Variants in GRIK2 observed in about 807,000 individuals in gnomAD.
The protein encoded by GRIK2 is glutamate receptor ionotropic, kainate 2.
Under a neutral mutation model 100.3 loss-of-function variants are expected in GRIK2, and 32 were observed. The ratio of observed to expected loss-of-function variants is 0.32; its 90% CI spans 0.24 to 0.43. GRIK2 has a LOEUF of 0.43. Among genes scored for constraint, GRIK2 ranks in the 20% least tolerant of loss-of-function variants. The probability of loss-of-function intolerance (pLI) is 1.00; values close to 1 mark genes in which losing one functional copy is unlikely to be tolerated. For synonymous variants in GRIK2, 417 were observed against 389.4 expected, an observed-to-expected ratio of 1.07 and a Z score of -0.83; for missense variants, 843 against 1,114.9, an observed-to-expected ratio of 0.76 and a Z score of 3.47.
rs1300320347 is a variant in GRIK2 at position 102,068,638 on chromosome 6, G to C, written c.*127G>C. On this transcript the variant is annotated 3_prime_UTR_variant, in exon 17 of 17. Coordinates refer to ENST00000369134, the MANE Select transcript of GRIK2 (RefSeq NM_021956.5). ...AGTTACCTCATGCCGCTGTGTCTAT[G>C]AACTAGAGACTCTGTGATCTAAGCA... The C allele has an allele frequency of 1.4e-6, 1 of 730,170 alleles. No individual in the cohort carries two copies. The highest frequency in any genetic ancestry group is 1.8e-5 in the African/African-American group (1 of 56,012). The allele number at this position is 730,170 out of a possible 1,614,324, so 45.2% of individuals were successfully genotyped here.
chr6:101,851,531 A>G (rs1404582685), intron 10 of GRIK2, among the ~76,000 whole-genome samples: 2 of 152,058 alleles, frequency 1.3e-5, no homozygotes, highest in East Asian at 3.9e-4. Flanking sequence ...GCATTTTTAG[A>G]TAGTCATATG....
At chr6:101,808,994 A>C (rs2128417622) in intron 9 of GRIK2, among the ~76,000 whole-genome samples, 1 of 151,578 alleles carries the variant, frequency 6.6e-6, no homozygotes, top group African/African-American at 2.4e-5. Context: ...AAATATAAAA[A>C]TAATTTGTAA....
chr6:101,502,697 C>T (rs758204291), intron 2 of GRIK2, among the ~76,000 whole-genome samples: 2 of 152,066 alleles, frequency 1.3e-5, no homozygotes, highest in Non-Finnish European at 2.9e-5. Flanking sequence ...GGATATCTAG[C>T]TGTCAGGTAT....
chr6:101,644,596 G>A (rs1402980684), intron 4 of GRIK2, among the ~76,000 whole-genome samples: 2 of 151,710 alleles, frequency 1.3e-5, no homozygotes, highest in Admixed American at 1.3e-4. Flanking sequence ...GCATAAATAG[G>A]TTCCAAAGAA....
chr6:101,696,700 G>A (rs1772511987), intron 7 of GRIK2, among the ~76,000 whole-genome samples: 2 of 151,660 alleles, frequency 1.3e-5, no homozygotes, highest in African/African-American at 4.8e-5. Context: ...AGACATCATG[G>A]GGCAGTTATC....
intron 2 of GRIK2, among the ~76,000 whole-genome samples, chr6:101,460,738 G>A (rs1582500886): frequency 2.0e-5 from 3 of 152,102 alleles, no homozygotes; most frequent in South Asian, 4.1e-4. Context: ...TCTCTGGAAG[G>A]ACACCTGCAA....
At chr6:101,533,163 GT>G (rs1190741284) in intron 2 of GRIK2, among the ~76,000 whole-genome samples, 1 of 151,890 alleles carries the variant, frequency 6.6e-6, no homozygotes, top group East Asian at 1.9e-4. Flanking sequence ...GTTTATAGAG[GT>G]TTTTAAATAC....
chr6:101,632,584 T>C (rs1212814350), intron 4 of GRIK2, among the ~76,000 whole-genome samples: 1 of 152,180 alleles, frequency 6.6e-6, no homozygotes, highest in Non-Finnish European at 1.5e-5. Context: ...AAAAATTTTA[T>C]AAGAAAGCTC....
chr6:101,499,398 T>C (rs995398285), intron 2 of GRIK2, among the ~76,000 whole-genome samples: 2 of 152,134 alleles, frequency 1.3e-5, no homozygotes, highest in African/African-American at 4.8e-5. Context: ...GTACATTTTA[T>C]AGCTGTCATA....
chr6:101,567,655 A>C (rs1777341810), intron 2 of GRIK2, among the ~76,000 whole-genome samples: 1 of 151,940 alleles, frequency 6.6e-6, no homozygotes, highest in African/African-American at 2.4e-5. Flanking sequence ...TTGGTGTTTG[A>C]GTTGCCTACC....
chr6:101,494,968 C>CATTTATATATATATAT (rs1773348883), intron 2 of GRIK2, among the ~76,000 whole-genome samples: 1 of 48,372 alleles, frequency 2.1e-5, no homozygotes, highest in African/African-American at 9.2e-5. Flanking sequence ...CCTATATATG[C>CATTTATATATATATAT]ATTTATATAT....
chr6:101,877,433 G>T (rs1035926715), intron 11 of GRIK2, among the ~76,000 whole-genome samples: 1 of 151,788 alleles, frequency 6.6e-6, no homozygotes, highest in Admixed American at 6.6e-5. Flanking sequence ...ATCTAGAGAT[G>T]ATTTAAAGTA....
intron 2 of GRIK2, among the ~76,000 whole-genome samples, chr6:101,455,187 A>G (rs1762484523): frequency 6.6e-6 from 1 of 152,056 alleles, no homozygotes; most frequent in Admixed American, 6.6e-5. Flanking sequence ...TTTCTGGCTA[A>G]GTGGACTAAT....
At chr6:101,629,266 G>C (rs1260552038) in intron 4 of GRIK2, among the ~76,000 whole-genome samples, 2 of 152,146 alleles carry the variant, frequency 1.3e-5, no homozygotes, top group African/African-American at 4.8e-5. Flanking sequence ...GATTAGTTAA[G>C]TGGTAATGCT....
At chr6:101,748,618 G>A (rs992870540) in intron 7 of GRIK2, among the ~76,000 whole-genome samples, 16 of 151,876 alleles carry the variant, frequency 1.1e-4, no homozygotes, top group Non-Finnish European at 5.9e-5. Context: ...TGCTAGTGCA[G>A]GCTTATTGAT....
intron 10 of GRIK2, among the ~76,000 whole-genome samples, chr6:101,836,878 C>G (rs1354765108): frequency 6.6e-6 from 1 of 151,576 alleles, no homozygotes; most frequent in African/African-American, 2.4e-5. Context: ...ATTGGCCAGG[C>G]TGGTCTTGAA....
intron 2 of GRIK2, among the ~76,000 whole-genome samples, chr6:101,540,341 A>G (rs1270119759): frequency 1.3e-5 from 2 of 151,926 alleles, no homozygotes; most frequent in Non-Finnish European, 2.9e-5. Flanking sequence ...TGATGGCACA[A>G]TAGGGTGCCC....
intron 7 of GRIK2, among the ~76,000 whole-genome samples, chr6:101,719,530 A>G (rs1774323738): frequency 2.0e-5 from 3 of 152,030 alleles, no homozygotes; most frequent in African/African-American, 7.2e-5. Context: ...AGGCTCAGAT[A>G]AAATAATGAG....
chr6:101,773,954 AAG>A (rs1778572597), intron 7 of GRIK2, among the ~76,000 whole-genome samples: 2 of 152,192 alleles, frequency 1.3e-5, no homozygotes, highest in African/African-American at 4.8e-5. Context: ...TAAACACAAT[AAG>A]AACATAAAAA....
Sources: allele counts gnomAD v4.1 joint callset (sites outside exome capture counted in the v4.1 genomes callset), GRCh38; gene constraint gnomAD v4.1.1; transcripts MANE v1.5; gene names NCBI Gene and HGNC (gene_info 2026-07-23, HGNC 2026-07-21).